The following CBLB variants were observed in gnomAD, a reference collection of about 807,000 sequenced individuals.
CBLB encodes the protein Cbl proto-oncogene B.
Under a neutral mutation model 104.9 loss-of-function variants are expected in CBLB, and 31 were observed. That is an observed-to-expected ratio of 0.30 (90% CI 0.22 to 0.40). The LOEUF is 0.40. Among genes scored for constraint, CBLB ranks in the 10% least tolerant of loss-of-function variants. The pLI, the probability that CBLB is intolerant of heterozygous loss-of-function variation, is 1.00. For missense variants in CBLB, 1,062 were observed against 1,214.6 expected, an observed-to-expected ratio of 0.87 and a Z score of 1.87; for synonymous variants, 440 against 422.6, an observed-to-expected ratio of 1.04 and a Z score of -0.51.
At chr3:105,816,054 G>C (rs2085004566) in intron 3 of CBLB, among the ~76,000 whole-genome samples, 1 of 152,090 alleles carries the variant, frequency 6.6e-6, no homozygotes, top group Admixed American at 6.6e-5. Context: ...GGCCTGTCGG[G>C]AGGTAGGGGG....
chr3:105,680,732 G>A (rs559886560), intron 16 of CBLB, among the ~76,000 whole-genome samples: 77 of 152,316 alleles, frequency 5.1e-4, no homozygotes, highest in African/African-American at 1.8e-3. Flanking sequence ...AGAAAAGCTT[G>A]TAAATTGACT....
At chr3:105,677,032 A>C (rs1438333472) in intron 17 of CBLB, among the ~76,000 whole-genome samples, 1 of 152,088 alleles carries the variant, frequency 6.6e-6, no homozygotes, top group Non-Finnish European at 1.5e-5. Context: ...CAAATTACCT[A>C]GTCTTGGGTA....
At chr3:105,708,947 G>C (rs962671986) in intron 10 of CBLB, among the ~76,000 whole-genome samples, 1 of 151,616 alleles carries the variant, frequency 6.6e-6, no homozygotes, top group Non-Finnish European at 1.5e-5. Flanking sequence ...TCTAGTCAAA[G>C]CTTGCCCATC....
Position 105,868,816 on chromosome 3 carries a change from G to A in CBLB, c.-95C>T. ...GCACGCAGCCCAGTGTGTGTGGGGA[G>A]CCCCGGCTGGGAGTGGGATCGCTGA... On this transcript the variant is annotated 5_prime_UTR_variant, in exon 1 of 19. Coordinates refer to ENST00000394030, the MANE Select transcript of CBLB (RefSeq NM_170662.5). The A allele has an allele frequency of 1.0e-6, 1 of 996,310 alleles. No individual in the cohort carries two copies. Among genetic ancestry groups the A allele is most frequent in the Non-Finnish European group, 1.2e-6 (1 of 837,454 alleles). The allele number at this position is 996,310 out of a possible 1,614,324, so 61.7% of individuals were successfully genotyped here.
intron 10 of CBLB, among the ~76,000 whole-genome samples, chr3:105,707,150 A>C (rs2070280458): frequency 6.6e-6 from 1 of 152,186 alleles, no homozygotes; most frequent in African/African-American, 2.4e-5. Flanking sequence ...CATCCAAACC[A>C]ATGTGTGTGG....
At chr3:105,762,109 G>A (rs2077700923) in intron 4 of CBLB, 1 of 152,474 alleles carries the variant, frequency 6.6e-6, no homozygotes, top group East Asian at 1.9e-4. Flanking sequence ...AAGCGTTCAA[G>A]AGGTGACTTG....
At chr3:105,689,499 A>C (rs545245469) in intron 13 of CBLB, among the ~76,000 whole-genome samples, 47 of 151,014 alleles carry the variant, frequency 3.1e-4, no homozygotes, top group East Asian at 2.1e-3. Flanking sequence ...CACACACACA[A>C]AAAAAATTCT....
intron 3 of CBLB, among the ~76,000 whole-genome samples, chr3:105,811,512 C>T (rs1170721389): frequency 6.6e-6 from 1 of 152,112 alleles, no homozygotes; most frequent in African/African-American, 2.4e-5. Context: ...GCATGCATAA[C>T]TAGAGAAATA....
intron 16 of CBLB, among the ~76,000 whole-genome samples, chr3:105,679,006 T>A (rs528226307): frequency 1.3e-4 from 20 of 152,292 alleles, no homozygotes; most frequent in African/African-American, 4.8e-4. Flanking sequence ...CAAATACATA[T>A]AATTTAATGT....
At chr3:105,859,385 C>T (rs2091902079) in intron 2 of CBLB, among the ~76,000 whole-genome samples, 1 of 152,194 alleles carries the variant, frequency 6.6e-6, no homozygotes, top group Non-Finnish European at 1.5e-5. Flanking sequence ...GGCGCGGTGG[C>T]TCACGCCTGT....
At chr3:105,720,375 G>T (rs934666822) in intron 9 of CBLB, 125 bp from the exon 10 acceptor site, 8 of 826,472 alleles carry the variant, frequency 9.7e-6, no homozygotes, top group Middle Eastern at 3.5e-4. Flanking sequence ...GGAGGTGGGG[G>T]AAGATTTCTC....
intron 12 of CBLB, among the ~76,000 whole-genome samples, chr3:105,696,101 C>T (rs1559855281): frequency 6.6e-6 from 1 of 151,272 alleles, no homozygotes; most frequent in Non-Finnish European, 1.5e-5. Context: ...CACACACACA[C>T]ATATATATAA....
chr3:105,867,305 G>A, intron 2 of CBLB, 105 bp downstream of exon 2: 1 of 1,054,008 alleles, frequency 9.5e-7, no homozygotes. Context: ...TCAAAAGATT[G>A]TTGCCATAAC....
At chr3:105,850,456 T>C (rs977293330) in intron 3 of CBLB, among the ~76,000 whole-genome samples, 1 of 152,112 alleles carries the variant, frequency 6.6e-6, no homozygotes. Flanking sequence ...GTTAAGAGTC[T>C]CACACTAAAA....
chr3:105,840,717 C>A (rs1373896442), intron 3 of CBLB, among the ~76,000 whole-genome samples: 1 of 152,134 alleles, frequency 6.6e-6, no homozygotes, highest in African/African-American at 2.4e-5. Context: ...CTACCTGGTG[C>A]TCATCTCTGA....
intron 4 of CBLB, among the ~76,000 whole-genome samples, chr3:105,757,076 C>T (rs2077151153): frequency 6.6e-6 from 1 of 152,098 alleles, no homozygotes; most frequent in Non-Finnish European, 1.5e-5. Context: ...CTGAGGCCTG[C>T]CTGGAAGCCA....
chr3:105,739,722 G>T (rs2075325559), intron 7 of CBLB, among the ~76,000 whole-genome samples: 1 of 152,042 alleles, frequency 6.6e-6, no homozygotes, highest in South Asian at 2.1e-4. Flanking sequence ...TGTGAAAAAG[G>T]AAAGATCTAC....
intron 3 of CBLB, among the ~76,000 whole-genome samples, chr3:105,785,575 A>G (rs890358723): frequency 6.6e-6 from 1 of 152,092 alleles, no homozygotes; most frequent in Non-Finnish European, 1.5e-5. Context: ...CCGTCACACT[A>G]ATTGTTCCCT....
In CBLB at chr3:105,702,082, C is replaced by A. The variant is rs200061909; in HGVS notation, c.1959+12G>T. 6.2e-7 allele frequency: 1 copy of A among 1,613,782 alleles called. No individual in the cohort carries two copies. Among genetic ancestry groups the A allele is most frequent in the Admixed American group, 1.7e-5 (1 of 59,990 alleles). Reference sequence around the variant, plus strand: ...AGCAGATTCTCTAGCTTCTGCTTTGCGTATTTCTTACCTTAGCTCCTTCTA... The same window carrying A: ...AGCAGATTCTCTAGCTTCTGCTTTGAGTATTTCTTACCTTAGCTCCTTCTA... On this transcript the variant is annotated intron_variant, in intron 12 of 18. Coordinates refer to ENST00000394030, the MANE Select transcript of CBLB (RefSeq NM_170662.5).
Sources: gnomAD v4.1 joint callset for allele counts (sites outside exome capture counted in the v4.1 genomes callset) on GRCh38, gnomAD v4.1.1 for gene constraint, MANE v1.5 for transcripts, NCBI Gene and HGNC (gene_info 2026-07-23, HGNC 2026-07-21) for gene names.